SEC14L1: variants seen among roughly 807,000 people sequenced by gnomAD.
The protein encoded by SEC14L1 is SEC14 like lipid binding 1, also known as SEC14-like protein 1.
In SEC14L1, 48 loss-of-function variants were observed where a neutral mutation model predicts 85.3. The ratio of observed to expected loss-of-function variants is 0.56; its 90% CI spans 0.45 to 0.72. The LOEUF is 0.72. SEC14L1 is among the 30% of genes least tolerant of loss of function. SEC14L1 has a pLI of 0.00. For missense variants in SEC14L1, 682 were observed against 921.4 expected, an observed-to-expected ratio of 0.74 and a Z score of 3.36; for synonymous variants, 391 against 355.5, an observed-to-expected ratio of 1.10 and a Z score of -1.12.
rs764239173 is a variant in SEC14L1, at chr17:77,215,480, G to T, written c.*1457G>T. On this transcript the variant is annotated 3_prime_UTR_variant, in exon 17 of 17. Coordinates refer to ENST00000436233, the MANE Select transcript of SEC14L1 (RefSeq NM_001143998.2). ...TCCGCTCTGAAGGCACTGTGTGGGT[G>T]CTGCGTGACTGGAGAGCTGTGTGGA... The T allele has an allele frequency of 5.1e-6, 5 of 985,688 alleles. No individual in the cohort carries two copies. The highest frequency in any genetic ancestry group is 5.2e-4 in the Middle Eastern group (1 of 1,936). 61.1% of individuals were successfully genotyped at this position (985,688 alleles called of 1,614,324 possible).
intron 2 of SEC14L1, 22 bp from the exon 3 acceptor site, chr17:77,143,545 C>T: frequency 6.9e-7 from 1 of 1,439,656 alleles, no homozygotes; most frequent in South Asian, 1.2e-5. Flanking sequence ...GGTTACTTAT[C>T]ACATATATTT....
rs186840468 is a variant in SEC14L1 at position 77,173,320 on chromosome 17, G to A, written c.64-17483G>A. On this transcript the variant is annotated intron_variant, in intron 3 of 16. Coordinates refer to ENST00000436233, the MANE Select transcript of SEC14L1 (RefSeq NM_001143998.2). Reference sequence around the variant, plus strand: ...TCCTGGGGGAGGGCCCTGAGGCTGGGAATGATTCCAGGAGTTAGGATTATA... The same window carrying A: ...TCCTGGGGGAGGGCCCTGAGGCTGGAAATGATTCCAGGAGTTAGGATTATA... Among the ~76,000 whole-genome samples the A allele has an allele frequency of 9.5e-4, 144 of 151,642 alleles. 1 individual carries two copies. In the Middle Eastern group the frequency reaches 0.014, roughly 14 times the overall value.
chr17:77,202,936 T>TAAAAAAAAAAAAAAAAAA (rs11349959), intron 9 of SEC14L1, among the ~76,000 whole-genome samples: 1 of 133,966 alleles, frequency 7.5e-6, no homozygotes, highest in Non-Finnish European at 1.6e-5. Context: ...AATAAAAAAA[T>TAAAAAAAAAAAAAAAAAA]AAAAAAAAAA....
intron 3 of SEC14L1, among the ~76,000 whole-genome samples, chr17:77,110,197 C>G (rs1019410512): frequency 1.3e-5 from 2 of 152,158 alleles, no homozygotes; most frequent in African/African-American, 4.8e-5. Context: ...CTTTTCTGCT[C>G]GAGTAATTAC....
At position 77,214,161 on chromosome 17, in the gene SEC14L1, G is replaced by C; in HGVS notation, c.*138G>C. On this transcript the variant is annotated 3_prime_UTR_variant, in exon 17 of 17. Coordinates refer to ENST00000436233, the MANE Select transcript of SEC14L1 (RefSeq NM_001143998.2). ...AGCAAATAGCTCTCAGATGGTAAAC[G>C]TAGTCGTTTGATCCCAAAACTACCT... 1 of 1,430,956 alleles carries C rather than the reference G, an allele frequency of 7.0e-7. No individual in the cohort carries two copies. Among genetic ancestry groups the C allele is most frequent in the Non-Finnish European group, 9.1e-7 (1 of 1,094,942 alleles). The allele number at this position is 1,430,956 out of a possible 1,614,324, so 88.6% of individuals were successfully genotyped here.
intron 3 of SEC14L1, among the ~76,000 whole-genome samples, chr17:77,155,739 T>C (rs955894251): frequency 3.9e-5 from 6 of 152,198 alleles, no homozygotes; most frequent in Admixed American, 2.0e-4. Context: ...ATTTATTTAT[T>C]TATTTAATTT....
chr17:77,207,386 A>T (rs1976519354), intron 13 of SEC14L1, among the ~76,000 whole-genome samples: 1 of 151,796 alleles, frequency 6.6e-6, no homozygotes, highest in Non-Finnish European at 1.5e-5. Flanking sequence ...GTGCACCACC[A>T]TACCCAGCGA....
intron 3 of SEC14L1, among the ~76,000 whole-genome samples, chr17:77,133,421 G>C (rs1489591185): frequency 6.6e-6 from 1 of 152,218 alleles, no homozygotes; most frequent in South Asian, 2.1e-4. Context: ...CTGACACTGC[G>C]TCCTGAGGTC....
rs367799028 is a variant in SEC14L1, at chr17:77,194,896, G to A, written c.694G>A (p.Val232Met). The A allele has an allele frequency of 1.2e-5, 19 of 1,614,012 alleles. No homozygotes were observed. Among genetic ancestry groups the A allele is most frequent in the Non-Finnish European group, 1.5e-5 (18 of 1,179,880 alleles). ...CAGCCCCAGCGCACCTGAGCCCGTG[G>A]TGGGCACCCCTGACGGTGGGTCTGG... is the stretch of plus-strand genomic sequence containing the variant. Reference protein sequence around the residue: ...LSSPSAPEPVVGTPDDKLDAD... With the variant: ...LSSPSAPEPVMGTPDDKLDAD... Residue 232 changes from valine (V) to methionine (M), a missense_variant, in exon 7 of 17, where the codon GTG becomes ATG. Around this residue, in one of 3 missense-constraint regions of SEC14L1, gnomAD observed 123 missense variants for 100.6 expected, o/e 1.22. Transcript: ENST00000436233.
At chr17:77,166,002 C>T (rs1974262563) in intron 3 of SEC14L1, among the ~76,000 whole-genome samples, 1 of 152,244 alleles carries the variant, frequency 6.6e-6, no homozygotes, top group Non-Finnish European at 1.5e-5. Context: ...CAGCTGGTTC[C>T]TGGACTGTGG....
intron 15 of SEC14L1, 132 bp downstream of exon 15, chr17:77,212,333 A>G: frequency 1.5e-6 from 2 of 1,332,630 alleles, no homozygotes; most frequent in African/African-American, 1.5e-5. Context: ...GTGGAGGAGC[A>G]GCTTGCCTGG....
chr17:77,193,916 G>T (rs1410759815), intron 6 of SEC14L1, among the ~76,000 whole-genome samples: 3 of 152,216 alleles, frequency 2.0e-5, no homozygotes, highest in African/African-American at 7.2e-5. Context: ...TGGATTGTCA[G>T]TTCTTCCACA....
chr17:77,099,910 G>GC (rs375029514), intron 3 of SEC14L1, among the ~76,000 whole-genome samples: 1,842 of 151,268 alleles, frequency 0.012, 44 homozygotes, highest in South Asian at 0.047. Context: ...GTTTTTTGTT[G>GC]TTTTTTTTTA....
In SEC14L1 at chr17:77,200,458, T is replaced by C. The variant is rs757497568; in HGVS notation, c.820-26T>C. 9 of 1,601,426 alleles carry C rather than the reference T, an allele frequency of 5.6e-6. No homozygotes were observed. In the East Asian group the frequency reaches 1.8e-4, roughly 32 times the overall value. On this transcript the variant is annotated intron_variant, in intron 8 of 16. Coordinates refer to ENST00000436233, the MANE Select transcript of SEC14L1 (RefSeq NM_001143998.2). ...TTCCCTTCACAACTTTTAACATTGC[T>C]TAGAAATGTCTTTTTCTCTTAATAG...
chr17:77,119,914 C>T (rs577198698), intron 3 of SEC14L1, among the ~76,000 whole-genome samples: 5 of 152,290 alleles, frequency 3.3e-5, no homozygotes, highest in South Asian at 4.2e-4. Context: ...GGAACAACTT[C>T]GGGAATCTGA....
chr17:77,151,343 A>G (rs1430830273), intron 3 of SEC14L1, among the ~76,000 whole-genome samples: 1 of 152,146 alleles, frequency 6.6e-6, no homozygotes, highest in African/African-American at 2.4e-5. Context: ...AGTCAGATTT[A>G]GTTGGTTTTG....
chr17:77,092,000 C>T (rs1028617765), intron 2 of SEC14L1, among the ~76,000 whole-genome samples: 5 of 152,012 alleles, frequency 3.3e-5, no homozygotes, highest in Admixed American at 3.3e-4. Context: ...TTAGTAGAGA[C>T]GGGGTTTCGC....
At chr17:77,100,393 C>CTTTTTTT (rs572735925) in intron 3 of SEC14L1, among the ~76,000 whole-genome samples, 13 of 56,086 alleles carry the variant, frequency 2.3e-4, no homozygotes, top group Admixed American at 4.6e-4. Flanking sequence ...CTGGCTTTTT[C>CTTTTTTT]TTTTTTTTTT....
At position 77,143,627 on chromosome 17, in the gene SEC14L1, G is replaced by T. The variant is rs1336590639; in HGVS notation, c.31G>T (p.Val11Leu). The change falls in exon 3 of 17, where the codon GTG becomes TTG. Residue 11 changes from valine to leucine, a missense_variant. Val to Leu is a conservative substitution (Grantham distance 32, BLOSUM62 1). Transcript: ENST00000436233. MVQKYQSPVR[V>L]YKYPFELIMA... is the part of the protein sequence containing the mutation. ...GCAGAAATACCAGTCCCCAGTGAGG[G>T]TGTACAAATACCCCTTTGAATTAAT... 15 of 1,613,396 alleles carry T rather than the reference G, an allele frequency of 9.3e-6. No homozygotes were observed. Among genetic ancestry groups the T allele is most frequent in the Non-Finnish European group, 1.2e-5 (14 of 1,179,536 alleles).
Sources: gnomAD v4.1 joint callset for allele counts (sites outside exome capture counted in the v4.1 genomes callset) on GRCh38, gnomAD v4.1.1 for gene constraint, gnomAD v4.1.1 regional missense constraint, MANE v1.5 for transcripts, NCBI Gene and HGNC (gene_info 2026-07-23, HGNC 2026-07-21) for gene names.